The following NEGR1 variants were observed in gnomAD, a reference collection of about 807,000 sequenced individuals.
NEGR1 encodes IgLON family member 4.
Under a neutral mutation model 40.9 loss-of-function variants are expected in NEGR1, and 10 were observed. The observed-to-expected ratio is 0.24, with a 90% CI of 0.15 to 0.42. The LOEUF (loss-of-function observed/expected upper bound fraction) is 0.42. NEGR1 is among the 10% of genes least tolerant of loss of function. The pLI is 1.00. For synonymous variants in NEGR1, 185 were observed against 166.8 expected, an observed-to-expected ratio of 1.11 and a Z score of -0.84; for missense variants, 352 against 438.9, an observed-to-expected ratio of 0.80 and a Z score of 1.77.
intron 3 of NEGR1, among the ~76,000 whole-genome samples, chr1:71,749,354 C>T (rs1047894716): frequency 6.6e-6 from 1 of 152,120 alleles, no homozygotes; most frequent in African/African-American, 2.4e-5. Flanking sequence ...TTAATATTTT[C>T]ACTTAACTTA....
chr1:71,823,203 ATTTTTTT>A (rs35710660), intron 2 of NEGR1, among the ~76,000 whole-genome samples: 1 of 140,616 alleles, frequency 7.1e-6, no homozygotes, highest in Admixed American at 7.1e-5. Flanking sequence ...TTTCTGCATC[ATTTTTTT>A]TTTTTTTTTG....
At chr1:71,772,147 A>C (rs373906373) in intron 3 of NEGR1, among the ~76,000 whole-genome samples, 1 of 152,130 alleles carries the variant, frequency 6.6e-6, no homozygotes, top group East Asian at 1.9e-4. Context: ...CCATAAGGAC[A>C]TAACTAGAAA....
At chr1:71,747,962 A>G (rs1557637457) in intron 3 of NEGR1, among the ~76,000 whole-genome samples, 1 of 152,110 alleles carries the variant, frequency 6.6e-6, no homozygotes, top group Admixed American at 6.6e-5. Context: ...ATCCAATTGT[A>G]TTGGACAGAA....
At chr1:71,731,497 A>C (rs1286683009) in intron 3 of NEGR1, among the ~76,000 whole-genome samples, 1 of 152,236 alleles carries the variant, frequency 6.6e-6, no homozygotes, top group Non-Finnish European at 1.5e-5. Flanking sequence ...GTTCAAAATA[A>C]ACTTAACAGA....
At chr1:71,737,301 A>G (rs1383997699) in intron 3 of NEGR1, among the ~76,000 whole-genome samples, 1 of 151,420 alleles carries the variant, frequency 6.6e-6, no homozygotes, top group Non-Finnish European at 1.5e-5. Context: ...ATTTCCCTAC[A>G]TATTTTACAT....
At chr1:71,685,444 G>A (rs577228860) in intron 4 of NEGR1, among the ~76,000 whole-genome samples, 4 of 151,186 alleles carry the variant, frequency 2.6e-5, no homozygotes, top group African/African-American at 7.3e-5. Context: ...TGCCTTAGCC[G>A]TCCCAGTAGC....
At chr1:71,783,503 A>G (rs929311607) in intron 2 of NEGR1, among the ~76,000 whole-genome samples, 7 of 152,244 alleles carry the variant, frequency 4.6e-5, no homozygotes, top group African/African-American at 1.7e-4. Context: ...ATGGCATTTC[A>G]GAGATTTCTA....
intron 1 of NEGR1, among the ~76,000 whole-genome samples, chr1:72,229,823 A>G (rs1557588955): frequency 6.6e-6 from 1 of 152,132 alleles, no homozygotes; most frequent in African/African-American, 2.4e-5. Flanking sequence ...AATTAAAATT[A>G]CATTTCTAAA....
intron 1 of NEGR1, among the ~76,000 whole-genome samples, chr1:71,998,386 A>G (rs1013407250): frequency 2.6e-5 from 4 of 151,950 alleles, no homozygotes; most frequent in African/African-American, 7.2e-5. Flanking sequence ...TGTATCCTGT[A>G]TATACTGCTC....
chr1:71,963,759 A>G (rs567163457), intron 1 of NEGR1, among the ~76,000 whole-genome samples: 1 of 152,282 alleles, frequency 6.6e-6, no homozygotes, highest in African/African-American at 2.4e-5. Flanking sequence ...TCCCAAAGAT[A>G]ATCCCATTGA....
chr1:72,203,256 A>G (rs1395447052), intron 1 of NEGR1, among the ~76,000 whole-genome samples: 1 of 152,124 alleles, frequency 6.6e-6, no homozygotes, highest in African/African-American at 2.4e-5. Context: ...GTAATTAAGG[A>G]CATTTGTAAT....
At chr1:72,175,771 C>T (rs1004787685) in intron 1 of NEGR1, among the ~76,000 whole-genome samples, 2 of 151,874 alleles carry the variant, frequency 1.3e-5, no homozygotes, top group African/African-American at 4.8e-5. Flanking sequence ...ATTACAGAAC[C>T]AGACAGCAAA....
At chr1:72,211,888 C>A (rs924529916) in intron 1 of NEGR1, among the ~76,000 whole-genome samples, 2 of 151,784 alleles carry the variant, frequency 1.3e-5, no homozygotes, top group African/African-American at 2.4e-5. Context: ...ATAAAAATAT[C>A]TCTTAGTTCC....
At chr1:71,835,332 T>G (rs1658989005) in intron 2 of NEGR1, among the ~76,000 whole-genome samples, 1 of 152,110 alleles carries the variant, frequency 6.6e-6, no homozygotes, top group Non-Finnish European at 1.5e-5. Flanking sequence ...CTGGAAGAAC[T>G]ACAAAGTCAC....
At chr1:72,011,251 A>G (rs1052376221) in intron 1 of NEGR1, among the ~76,000 whole-genome samples, 2 of 152,104 alleles carry the variant, frequency 1.3e-5, no homozygotes, top group African/African-American at 4.8e-5. Flanking sequence ...TGGGCTCAGC[A>G]TGTCTAAGAA....
At chr1:71,774,953 T>G (rs1427517818) in intron 3 of NEGR1, among the ~76,000 whole-genome samples, 3 of 152,182 alleles carry the variant, frequency 2.0e-5, no homozygotes, top group African/African-American at 7.2e-5. Context: ...TCTATAAACA[T>G]GTTATATATT....
chr1:71,917,091 T>G (rs1226827780), intron 2 of NEGR1, among the ~76,000 whole-genome samples: 2 of 152,196 alleles, frequency 1.3e-5, no homozygotes, highest in Non-Finnish European at 2.9e-5. Flanking sequence ...TAGAGAGGAC[T>G]GAGGCCACAC....
At chr1:72,112,260 T>A (rs1305256224) in intron 1 of NEGR1, among the ~76,000 whole-genome samples, 1 of 137,966 alleles carries the variant, frequency 7.2e-6, no homozygotes, top group South Asian at 2.2e-4. Context: ...TGTACACTTT[T>A]ACGTTTAAAA....
chr1:72,126,187 T>C (rs1199285167), intron 1 of NEGR1, among the ~76,000 whole-genome samples: 2 of 151,502 alleles, frequency 1.3e-5, no homozygotes, highest in Non-Finnish European at 1.5e-5. Flanking sequence ...ACGCATTTTA[T>C]GAAGAGACAG....
Sources: allele counts gnomAD v4.1 joint callset (sites outside exome capture counted in the v4.1 genomes callset), GRCh38; gene constraint gnomAD v4.1.1; transcripts MANE v1.5; gene names NCBI Gene and HGNC (gene_info 2026-07-23, HGNC 2026-07-21).